The following CORO2B variants were observed in gnomAD, a reference collection of about 807,000 sequenced individuals.
The protein encoded by CORO2B is coronin 2B.
Under a neutral mutation model 58.8 loss-of-function variants are expected in CORO2B, and 26 were observed. The ratio of observed to expected loss-of-function variants is 0.44; its 90% CI spans 0.32 to 0.61. CORO2B has a LOEUF of 0.61. Ranked by LOEUF, CORO2B falls within the 20% of genes least tolerant of loss-of-function variation. CORO2B has a pLI of 0.04. For missense variants in CORO2B, 460 were observed against 645.1 expected, an observed-to-expected ratio of 0.71 and a Z score of 3.11; for synonymous variants, 242 against 253.8, an observed-to-expected ratio of 0.95 and a Z score of 0.44.
chr15:68,559,734 C>T, the CORO2B span: 155 of 721,666 alleles, frequency 2.1e-4, no homozygotes, highest in Middle Eastern at 2.1e-3. This position sits in a 1 kb window ranked among gnomAD's most constrained non-coding sequence, Gnocchi z 4.3. Flanking sequence ...GGTGAGGCTG[C>T]GGCGCCCGAG....
At chr15:68,644,896 G>A (rs1210688980) in intron 1 of CORO2B, among the ~76,000 whole-genome samples, 1 of 152,170 alleles carries the variant, frequency 6.6e-6, no homozygotes, top group East Asian at 1.9e-4. Flanking sequence ...AAAGTGGGGT[G>A]GGCATGTGTA....
intron 1 of CORO2B, among the ~76,000 whole-genome samples, chr15:68,596,204 C>T (rs564486999): frequency 1.3e-5 from 2 of 152,178 alleles, no homozygotes; most frequent in South Asian, 2.1e-4. Flanking sequence ...GCACTGTGCC[C>T]GTGACCCTAG....
the CORO2B span, among the ~76,000 whole-genome samples, chr15:68,533,083 A>G: frequency 1.3e-5 from 2 of 152,152 alleles, no homozygotes; most frequent in Non-Finnish European, 2.9e-5. Context: ...TGTCTTCTCA[A>G]CTCAGTAAAA....
chr15:68,532,201 T>G, the CORO2B span, among the ~76,000 whole-genome samples: 1 of 152,148 alleles, frequency 6.6e-6, no homozygotes, highest in Non-Finnish European at 1.5e-5. Flanking sequence ...TTTACATTAT[T>G]CATCAAATTT....
the CORO2B span, among the ~76,000 whole-genome samples, chr15:68,571,825 C>T: frequency 3.3e-5 from 5 of 152,180 alleles, no homozygotes; most frequent in African/African-American, 7.2e-5. Flanking sequence ...ACAAATATAA[C>T]GGGCTGAAAT....
the CORO2B span, among the ~76,000 whole-genome samples, chr15:68,561,068 A>G: frequency 2.0e-5 from 3 of 152,110 alleles, no homozygotes; most frequent in African/African-American, 4.8e-5. Flanking sequence ...TGAGGGATTT[A>G]TGTTCCCTCC....
intron 1 of CORO2B, among the ~76,000 whole-genome samples, chr15:68,589,681 G>A (rs958868825): frequency 3.3e-5 from 5 of 152,218 alleles, no homozygotes; most frequent in Non-Finnish European, 5.9e-5. Flanking sequence ...GTAGTTGCCC[G>A]ATGTTGGCAG....
intron 1 of CORO2B, among the ~76,000 whole-genome samples, chr15:68,624,466 G>A (rs1232039012): frequency 1.3e-5 from 2 of 152,142 alleles, no homozygotes; most frequent in African/African-American, 4.8e-5. Flanking sequence ...CACCACATGA[G>A]TCTGTGAAAG....
chr15:68,541,235 A>AG, the CORO2B span, among the ~76,000 whole-genome samples: 38 of 738 alleles, frequency 0.051, no homozygotes, highest in African/African-American at 0.058. Flanking sequence ...ACCCTGTCTC[A>AG]AATAAAAAAA....
rs1255290510 is a variant in CORO2B at position 68,629,730 on chromosome 15, C to T, written c.16-15430C>T. Among the ~76,000 whole-genome samples the T allele has an allele frequency of 2.0e-5, 3 of 152,092 alleles. 1 individual carries two copies. In the South Asian group the frequency reaches 6.2e-4, roughly 31 times the overall value. On this transcript the variant is annotated intron_variant, in intron 1 of 11. Transcript: ENST00000261861. ...AGGGGTCAGATCAGGAGGACTTGGACGAGGCTGAGGCAGAAGCTAATTGAG... is the reference window on the plus strand; with the variant it reads ...AGGGGTCAGATCAGGAGGACTTGGATGAGGCTGAGGCAGAAGCTAATTGAG...
At chr15:68,616,464 G>T (rs987790921) in intron 1 of CORO2B, 1 of 822,362 alleles carries the variant, frequency 1.2e-6, no homozygotes, top group Non-Finnish European at 1.5e-6. Context: ...CCCCACCAAG[G>T]TCTCTTGCTG....
upstream of CORO2B, chr15:68,578,951 T>G: frequency 4.7e-5 from 25 of 535,828 alleles, no homozygotes; most frequent in South Asian, 8.0e-5. The surrounding 1 kb of genome is among the most constrained non-coding windows in gnomAD (Gnocchi z 4.2). Context: ...CCCCTCTTCC[T>G]CCCCCCGCCC....
chr15:68,723,723 T>A (rs1893223583), intron 11 of CORO2B, among the ~76,000 whole-genome samples: 2 of 151,986 alleles, frequency 1.3e-5, no homozygotes, highest in Non-Finnish European at 2.9e-5. Context: ...AAGTACTGGA[T>A]TACAGGCGTG....
the CORO2B span, among the ~76,000 whole-genome samples, chr15:68,530,594 T>G: frequency 6.6e-6 from 1 of 152,186 alleles, no homozygotes; most frequent in Non-Finnish European, 1.5e-5. Flanking sequence ...TGAATGTCTG[T>G]CCTTGCAGTT....
intron 2 of CORO2B, among the ~76,000 whole-genome samples, chr15:68,692,424 A>G (rs1892401469): frequency 6.6e-6 from 1 of 151,708 alleles, no homozygotes; most frequent in African/African-American, 2.4e-5. Context: ...ATCTCTACTA[A>G]AAATATAAAA....
chr15:68,617,901 G>A (rs1566986524), intron 1 of CORO2B, among the ~76,000 whole-genome samples: 1 of 152,112 alleles, frequency 6.6e-6, no homozygotes, highest in Non-Finnish European at 1.5e-5. Context: ...TAGGCTACTG[G>A]AATGCCCTAG....
chr15:68,714,108 T>C, intron 6 of CORO2B, 67 bp downstream of exon 6: 3 of 1,022,614 alleles, frequency 2.9e-6, no homozygotes. Flanking sequence ...GGTCACTTCC[T>C]CAGAAAGTCA....
chr15:68,540,929 G>A, the CORO2B span, among the ~76,000 whole-genome samples: 3 of 152,238 alleles, frequency 2.0e-5, no homozygotes, highest in Admixed American at 6.5e-5. Context: ...GAAAATAGTC[G>A]TGACTTTTCA....
At chr15:68,622,708 A>T (rs1900562202) in intron 1 of CORO2B, among the ~76,000 whole-genome samples, 1 of 152,222 alleles carries the variant, frequency 6.6e-6, no homozygotes, top group African/African-American at 2.4e-5. Flanking sequence ...GAGCACCCTT[A>T]CTACCAGATA....
Sources: allele counts gnomAD v4.1 joint callset (sites outside exome capture counted in the v4.1 genomes callset), GRCh38; gene constraint gnomAD v4.1.1; non-coding constraint Gnocchi (gnomAD v3.1); transcripts MANE v1.5; gene names NCBI Gene and HGNC (gene_info 2026-07-23, HGNC 2026-07-21).